The following SYNE2 variants were observed in gnomAD, a reference collection of about 807,000 sequenced individuals.
The protein encoded by SYNE2 is spectrin repeat containing nuclear envelope protein 2.
In SYNE2, 431 loss-of-function variants were observed where a neutral mutation model predicts 856.3. That is an observed-to-expected ratio of 0.50 (90% CI 0.47 to 0.55). SYNE2 has a LOEUF of 0.55. Among genes scored for constraint, SYNE2 ranks in the 20% least tolerant of loss-of-function variants. The pLI is 0.00. For missense variants in SYNE2, 8,129 were observed against 8,023.2 expected (o/e 1.01, Z -0.50); for synonymous variants, 2,923 against 2,872.3 (o/e 1.02, Z -0.56).
intron 2 of SYNE2, among the ~76,000 whole-genome samples, chr14:63,925,706 A>G (rs1200787633): frequency 2.0e-5 from 3 of 152,088 alleles, no homozygotes; most frequent in Non-Finnish European, 4.4e-5. Flanking sequence ...TCTACTCTCT[A>G]TCTCTATGAG....
intron 14 of SYNE2, 47 bp downstream of exon 14, chr14:63,979,061 T>C: frequency 6.3e-7 from 1 of 1,590,512 alleles, no homozygotes; most frequent in Non-Finnish European, 8.6e-7. Context: ...CATCTCTGGG[T>C]GCTGTGTTTG....
At chr14:63,784,462 G>T (rs892929558) in intron 1 of SYNE2, among the ~76,000 whole-genome samples, 3 of 151,794 alleles carry the variant, frequency 2.0e-5, no homozygotes, top group Admixed American at 6.6e-5. Flanking sequence ...GTGCCACTGC[G>T]CTCCAGCCTG....
rs2098709742 is a variant in SYNE2 at position 64,224,558 on chromosome 14, C to G, written c.20469+11C>G. On this transcript the variant is annotated intron_variant, in intron 114 of 115. Transcript: ENST00000555002. ...GCTCCCCGAGCAAAGGTAAGAAGCC[C>G]CTTCCTTCTGTGAGAACCTCACTGG... The G allele has an allele frequency of 1.2e-6, 2 of 1,613,828 alleles. No individual in the cohort carries two copies. The highest frequency in any genetic ancestry group is 2.7e-5 in the African/African-American group (2 of 74,866).
At chr14:64,124,201 G>A (rs1017207253) in intron 70 of SYNE2, among the ~76,000 whole-genome samples, 14 of 151,768 alleles carry the variant, frequency 9.2e-5, no homozygotes, top group African/African-American at 3.1e-4. Flanking sequence ...GCGAGACTCC[G>A]TCTCAAAAAA....
At chr14:64,039,166 G>A (rs1328637721) in intron 45 of SYNE2, among the ~76,000 whole-genome samples, 1 of 152,158 alleles carries the variant, frequency 6.6e-6, no homozygotes, top group Non-Finnish European at 1.5e-5. Flanking sequence ...GCTTTATATT[G>A]TAAAGCTTTA....
rs139326092 is a variant in SYNE2, at chr14:64,220,538, C to G, written c.19962C>G (p.Leu6654=). The G allele has an allele frequency of 1.4e-4, 229 of 1,614,094 alleles. 1 individual carries two copies. In the East Asian group the frequency reaches 3.0e-3, roughly 21 times the overall value. ...CCGAGAGCCCCGAATCCACAGAGCT[C>G]CAAAGTAGACTCCGCCAGCTGAGCC... ...LQTESPESTE[L]QSRLRQLSLL... is the part of the protein sequence containing the mutation. The change falls in exon 111 of 116, where the codon CTC becomes CTG. Residue 6654 remains leucine, a synonymous_variant. Transcript: ENST00000555002.
chr14:64,001,876 T>G, intron 28 of SYNE2, 58 bp from the exon 29 acceptor site: 1 of 1,587,314 alleles, frequency 6.3e-7, no homozygotes. Context: ...GTTAATCAGT[T>G]TCATAGGATA....
intron 1 of SYNE2, among the ~76,000 whole-genome samples, chr14:63,809,120 C>T (rs1566579768): frequency 6.6e-6 from 1 of 152,030 alleles, no homozygotes; most frequent in Non-Finnish European, 1.5e-5. Flanking sequence ...GACCACTTGG[C>T]TCACAGGAAT....
rs114531188 is a variant in SYNE2 at position 64,082,677 on chromosome 14, G to A, written c.11484+1097G>A. On this transcript the variant is annotated intron_variant, in intron 57 of 115. Coordinates refer to ENST00000555002, the MANE Select transcript of SYNE2 (RefSeq NM_182914.3). Reference sequence around the variant, plus strand: ...GCATCCTTGTGGCTCCCTGTAAGGAGGACTCACCTCAGCTATGCCTGGACT... The same window carrying A: ...GCATCCTTGTGGCTCCCTGTAAGGAAGACTCACCTCAGCTATGCCTGGACT... Among the ~76,000 whole-genome samples, 992 of 152,272 alleles carry A rather than the reference G, an allele frequency of 6.5e-3. 13 individuals carry two copies. The highest frequency in any genetic ancestry group is 0.023 in the African/African-American group (964 of 41,542).
At chr14:64,024,013 G>A in intron 38 of SYNE2, 1 of 454,868 alleles carries the variant, frequency 2.2e-6, no homozygotes, top group South Asian at 2.0e-5. Context: ...TAGCTGTCCT[G>A]GTCTTGCTCC....
chr14:63,871,859 G>A (rs1896934037), intron 1 of SYNE2, among the ~76,000 whole-genome samples: 1 of 151,818 alleles, frequency 6.6e-6, no homozygotes, highest in South Asian at 2.1e-4. Context: ...CCTATGAAAA[G>A]GTATAAATGA....
intron 84 of SYNE2, among the ~76,000 whole-genome samples, chr14:64,150,283 T>TTC (rs1447783222): frequency 2.2e-5 from 2 of 92,652 alleles, no homozygotes; most frequent in East Asian, 3.4e-4. Context: ...CAGAGCAAGA[T>TTC]TCTCTCTCAA....
chr14:63,864,360 T>C (rs556435948), intron 1 of SYNE2: 2 of 152,240 alleles, frequency 1.3e-5, no homozygotes, highest in African/African-American at 2.4e-5. Context: ...CAGTACTGAT[T>C]ATATTCCCTT....
chr14:63,980,461 T>C (rs1009344236), intron 14 of SYNE2, among the ~76,000 whole-genome samples, 193 bp from the exon 15 acceptor site: 4 of 152,226 alleles, frequency 2.6e-5, no homozygotes, highest in Non-Finnish European at 5.9e-5. Context: ...ACCTATTTAA[T>C]GTTCACACTC....
intron 2 of SYNE2, among the ~76,000 whole-genome samples, chr14:63,935,486 A>G (rs948440201): frequency 2.0e-5 from 3 of 152,208 alleles, no homozygotes; most frequent in Non-Finnish European, 4.4e-5. Flanking sequence ...GTCTACTTCA[A>G]AATTTTTCTA....
chr14:63,837,844 A>G (rs926693805), intron 1 of SYNE2, among the ~76,000 whole-genome samples: 2 of 141,874 alleles, frequency 1.4e-5, no homozygotes, highest in Admixed American at 7.7e-5. Context: ...GCTTGAGCTC[A>G]GGAGGCAGAG....
chr14:64,132,375 A>G lies in SYNE2; in HGVS notation c.14451A>G (p.Thr4817=), dbSNP rs777338731. Residue 4817 remains threonine (T), a synonymous_variant, in exon 77 of 116, where the codon ACA becomes ACG. Coordinates refer to ENST00000555002, the MANE Select transcript of SYNE2 (RefSeq NM_182914.3). The part of the protein sequence containing the change: ...NRETFWAEQV[T]EVKILEEKSR... ...AGACATTTTGGGCAGAACAAGTAAC[A>G]GAAGTTAAAATACTAGAAGAAAAGT... 2.0e-5 allele frequency: 32 copies of G among 1,614,236 alleles called. No homozygotes were observed. The highest frequency in any genetic ancestry group is 2.7e-5 in the Non-Finnish European group (32 of 1,180,036).
intron 74 of SYNE2, among the ~76,000 whole-genome samples, chr14:64,128,959 A>C (rs555942680): frequency 6.6e-6 from 1 of 152,358 alleles, no homozygotes; most frequent in African/African-American, 2.4e-5. Flanking sequence ...ATGTTCCAGC[A>C]CTGTTTGAAG....
intron 1 of SYNE2, among the ~76,000 whole-genome samples, chr14:63,821,520 GAGGTGGAT>G: frequency 6.6e-6 from 1 of 152,128 alleles, no homozygotes; most frequent in Admixed American, 6.6e-5. Flanking sequence ...TTAGGAGGTT[GAGGTGGAT>G]GGATCACTTG....
Sources: allele counts gnomAD v4.1 joint callset (sites outside exome capture counted in the v4.1 genomes callset), GRCh38; gene constraint gnomAD v4.1.1; transcripts MANE v1.5; gene names NCBI Gene and HGNC (gene_info 2026-07-23, HGNC 2026-07-21).